Variants in SLC9A9 observed in about 807,000 individuals in gnomAD.
The protein encoded by SLC9A9 is solute carrier family 9 member A9.
Under a neutral mutation model 77.8 loss-of-function variants are expected in SLC9A9, and 62 were observed. The ratio of observed to expected loss-of-function variants is 0.80; its 90% confidence interval spans 0.65 to 0.98. The LOEUF is 0.98. SLC9A9 is among the 50% of genes least tolerant of loss of function. SLC9A9 has a pLI of 0.00. For missense variants in SLC9A9, 775 were observed against 774.9 expected (o/e 1.00, Z 0.00); for synonymous variants, 320 against 283.5 (o/e 1.13, Z -1.29).
At position 143,268,917 on chromosome 3, in the gene SLC9A9, A is replaced by G; in HGVS notation, c.1668T>C (p.Cys556=). ...PPLTTTLPEW[C]GPISRLLTSP... ...TGGTAAGCAGCCTGGAAATCGGACCACACCATTCAGGTAATGTTGTAGTCA... is the reference window on the plus strand; with the variant it reads ...TGGTAAGCAGCCTGGAAATCGGACCGCACCATTCAGGTAATGTTGTAGTCA... Residue 556 remains cysteine (C), a synonymous_variant, in exon 15 of 16, where the codon TGT becomes TGC. Coordinates refer to ENST00000316549, the MANE Select transcript of SLC9A9 (RefSeq NM_173653.4). 2 of 1,613,778 alleles carry G rather than the reference A, an allele frequency of 1.2e-6. No individual in the cohort carries two copies. Among genetic ancestry groups the G allele is most frequent in the Non-Finnish European group, 1.7e-6 (2 of 1,179,810 alleles).
intron 12 of SLC9A9, among the ~76,000 whole-genome samples, chr3:143,457,047 T>C (rs909014820): frequency 2.6e-5 from 4 of 151,822 alleles, no homozygotes; most frequent in African/African-American, 9.7e-5. Flanking sequence ...GATATTCTCC[T>C]TTCTTGCTCT....
intron 4 of SLC9A9, among the ~76,000 whole-genome samples, chr3:143,700,932 C>T (rs1933781155): frequency 6.6e-6 from 1 of 152,218 alleles, no homozygotes; most frequent in African/African-American, 2.4e-5. Context: ...TCACCTCAAC[C>T]CCAGGTCCAG....
intron 9 of SLC9A9, among the ~76,000 whole-genome samples, chr3:143,516,137 G>T (rs1290248840): frequency 1.3e-5 from 2 of 152,004 alleles, no homozygotes; most frequent in Admixed American, 6.6e-5. Context: ...GTCCATTTAA[G>T]TTTTCTGATG....
intron 12 of SLC9A9, among the ~76,000 whole-genome samples, chr3:143,401,705 C>T (rs1035672402): frequency 1.2e-4 from 19 of 152,136 alleles, no homozygotes; most frequent in African/African-American, 4.6e-4. Context: ...TAGGCTGGAT[C>T]AGGTTTTCAC....
At chr3:143,476,442 A>G (rs751969882) in intron 11 of SLC9A9, among the ~76,000 whole-genome samples, 6 of 152,240 alleles carry the variant, frequency 3.9e-5, no homozygotes, top group Non-Finnish European at 7.3e-5. Flanking sequence ...GGGTAGCCAG[A>G]AAGGGTAATT....
intron 4 of SLC9A9, among the ~76,000 whole-genome samples, chr3:143,711,334 A>G (rs1391842643): frequency 6.6e-6 from 1 of 152,050 alleles, no homozygotes; most frequent in Non-Finnish European, 1.5e-5. Context: ...AATAGGTTTT[A>G]CTCACCAATC....
chr3:143,325,871 T>G (rs1466392813), intron 14 of SLC9A9, among the ~76,000 whole-genome samples: 1 of 152,192 alleles, frequency 6.6e-6, no homozygotes. Flanking sequence ...ACATCACTTG[T>G]GCATTTTCTG....
At chr3:143,281,302 G>A (rs1578259064) in intron 14 of SLC9A9, among the ~76,000 whole-genome samples, 1 of 152,194 alleles carries the variant, frequency 6.6e-6, no homozygotes, top group East Asian at 1.9e-4. Context: ...TTTGCTTGAT[G>A]AGCCACTAAG....
intron 4 of SLC9A9, among the ~76,000 whole-genome samples, chr3:143,718,075 A>T (rs1934399963): frequency 7.0e-6 from 1 of 143,516 alleles, no homozygotes; most frequent in African/African-American, 2.5e-5. Context: ...TCAAATAGGT[A>T]ATGTGGAGTT....
chr3:143,412,334 G>A (rs2034111438), intron 12 of SLC9A9, among the ~76,000 whole-genome samples: 1 of 151,844 alleles, frequency 6.6e-6, no homozygotes, highest in Non-Finnish European at 1.5e-5. Context: ...TTTGTCTCTG[G>A]CAGCCATCTT....
intron 6 of SLC9A9, among the ~76,000 whole-genome samples, chr3:143,629,557 A>G (rs763237507): frequency 2.0e-5 from 3 of 151,386 alleles, no homozygotes; most frequent in Non-Finnish European, 4.4e-5. Context: ...CTACCAGTAT[A>G]TGTGCGTGTG....
rs1934183510 is a variant in SLC9A9, at chr3:143,711,190, C to A, written c.534-17883G>T. Reference sequence around the variant, plus strand: ...TTAAATCTAGAACGGAGAGCTTCAACTGGTCTGTTTTGTTTGTGATGCATG... The same window carrying A: ...TTAAATCTAGAACGGAGAGCTTCAAATGGTCTGTTTTGTTTGTGATGCATG... On this transcript the variant is annotated intron_variant, in intron 4 of 15. Coordinates refer to ENST00000316549, the MANE Select transcript of SLC9A9 (RefSeq NM_173653.4). 2.6e-5 allele frequency among the ~76,000 whole-genome samples: 4 copies of A among 152,282 alleles called. No homozygotes were observed. The South Asian group carries it at 8.3e-4, about 32-fold the overall frequency.
At chr3:143,648,316 G>A (rs943384866) in intron 6 of SLC9A9, among the ~76,000 whole-genome samples, 2 of 152,170 alleles carry the variant, frequency 1.3e-5, no homozygotes, top group Non-Finnish European at 2.9e-5. Flanking sequence ...TCCACGGATT[G>A]GGGGAGGGGA....
At chr3:143,778,523 G>A (rs1410890215) in intron 4 of SLC9A9, among the ~76,000 whole-genome samples, 1 of 152,128 alleles carries the variant, frequency 6.6e-6, no homozygotes, top group Non-Finnish European at 1.5e-5. Flanking sequence ...GTGTATCAGT[G>A]CCTAAGTACA....
chr3:143,749,141 T>C (rs1052168626), intron 4 of SLC9A9, among the ~76,000 whole-genome samples: 5 of 152,174 alleles, frequency 3.3e-5, no homozygotes, highest in Admixed American at 6.5e-5. Context: ...AAACACATGG[T>C]TTATATATTT....
chr3:143,368,006 TC>T (rs2032956298), intron 13 of SLC9A9, among the ~76,000 whole-genome samples: 1 of 152,060 alleles, frequency 6.6e-6, no homozygotes, highest in Non-Finnish European at 1.5e-5. Context: ...AACTGGTGAG[TC>T]AAGCATGTTG....
intron 4 of SLC9A9, among the ~76,000 whole-genome samples, chr3:143,751,449 G>T (rs1032838145): frequency 1.3e-5 from 2 of 152,162 alleles, no homozygotes; most frequent in Non-Finnish European, 2.9e-5. Flanking sequence ...AGGGCATGCT[G>T]CTTTCCAGAG....
chr3:143,316,885 G>C (rs886782183), intron 14 of SLC9A9, among the ~76,000 whole-genome samples: 10 of 152,128 alleles, frequency 6.6e-5, no homozygotes, highest in African/African-American at 2.2e-4. Context: ...CCATTTCATA[G>C]ATGAGTAACT....
intron 12 of SLC9A9, among the ~76,000 whole-genome samples, chr3:143,465,505 A>G (rs1420597886): frequency 6.6e-6 from 1 of 152,224 alleles, no homozygotes; most frequent in East Asian, 1.9e-4. Flanking sequence ...TAGAAAACAA[A>G]TTATATTTTA....
Sources: allele counts gnomAD v4.1 joint callset (sites outside exome capture counted in the v4.1 genomes callset), GRCh38; gene constraint gnomAD v4.1.1; transcripts MANE v1.5; gene names NCBI Gene and HGNC (gene_info 2026-07-23, HGNC 2026-07-21).